Variants in TENM4 observed in about 807,000 individuals in gnomAD.
TENM4 encodes teneurin transmembrane protein 4.
A neutral mutation model predicts 243.3 loss-of-function variants in TENM4; 82 were observed. The ratio of observed to expected loss-of-function variants is 0.34; its 90% CI spans 0.28 to 0.40. The LOEUF is 0.40. Ranked by LOEUF, TENM4 falls within the 10% of genes least tolerant of loss-of-function variation. The pLI is 1.00. For missense variants in TENM4, 3,138 were observed against 3,673.3 expected, an observed-to-expected ratio of 0.85 and a Z score of 3.77; for synonymous variants, 1,412 against 1,456.3, an observed-to-expected ratio of 0.97 and a Z score of 0.69.
Position 78,894,282 on chromosome 11 carries a change from C to T in TENM4, c.750-2946G>A, listed in dbSNP as rs551235642. Among the ~76,000 whole-genome samples the T allele has an allele frequency of 4.5e-4, 69 of 152,230 alleles. 1 individual carries two copies. In the South Asian group the frequency reaches 0.013, roughly 30 times the overall value. ...GCTGCATGGCATGCTCCCTAGAAGA[C>T]CTGGGAGTCTGGCTTGAGTCAGAAG... On this transcript the variant is annotated intron_variant, in intron 7 of 33. Coordinates refer to ENST00000278550, the MANE Select transcript of TENM4 (RefSeq NM_001098816.3).
At chr11:79,004,275 T>C (rs937798169) in intron 6 of TENM4, among the ~76,000 whole-genome samples, 5 of 152,186 alleles carry the variant, frequency 3.3e-5, no homozygotes, top group African/African-American at 1.2e-4. Flanking sequence ...CTGAATTCAA[T>C]GCTTGACCAA....
At chr11:78,764,299 G>C (rs1359622600) in intron 18 of TENM4, among the ~76,000 whole-genome samples, 2 of 152,246 alleles carry the variant, frequency 1.3e-5, no homozygotes, top group African/African-American at 4.8e-5. Flanking sequence ...GCTAGTTAAA[G>C]AGCAGAACTG....
chr11:78,887,041 A>G (rs1482038820), intron 9 of TENM4, among the ~76,000 whole-genome samples: 1 of 152,160 alleles, frequency 6.6e-6, no homozygotes, highest in East Asian at 1.9e-4. Flanking sequence ...TTCTAAAATA[A>G]AAATCTGTGT....
chr11:79,108,394 G>A (rs1213178814), intron 4 of TENM4, among the ~76,000 whole-genome samples: 3 of 152,116 alleles, frequency 2.0e-5, no homozygotes, highest in Admixed American at 2.0e-4. Flanking sequence ...CCAGGCTGCT[G>A]GCCTAGCTGA....
At chr11:78,716,578 T>TA (rs1859526211) in intron 25 of TENM4, among the ~76,000 whole-genome samples, 1 of 152,148 alleles carries the variant, frequency 6.6e-6, no homozygotes. Context: ...CTAACAATCT[T>TA]AGAGTGATGG....
intron 33 of TENM4, among the ~76,000 whole-genome samples, chr11:78,659,826 G>A (rs751902242): frequency 5.9e-5 from 9 of 152,202 alleles, no homozygotes; most frequent in Non-Finnish European, 1.0e-4. Flanking sequence ...GCTTGGAGAA[G>A]CCACACTCAG....
At chr11:79,045,258 A>G (rs1487354811) in intron 6 of TENM4, among the ~76,000 whole-genome samples, 1 of 152,192 alleles carries the variant, frequency 6.6e-6, no homozygotes, top group East Asian at 1.9e-4. Context: ...AGGCACAGGT[A>G]GATGCACGGT....
intron 4 of TENM4, among the ~76,000 whole-genome samples, chr11:79,143,609 T>C (rs1163260439): frequency 6.6e-6 from 1 of 151,882 alleles, no homozygotes; most frequent in Non-Finnish European, 1.5e-5. Context: ...CACAGCAACA[T>C]GGCACATGTA....
intron 26 of TENM4, among the ~76,000 whole-genome samples, chr11:78,710,515 A>T (rs1223920556): frequency 1.3e-5 from 2 of 152,232 alleles, no homozygotes; most frequent in South Asian, 2.1e-4. Flanking sequence ...CCTGTCGTGA[A>T]TGTACATTAA....
intron 2 of TENM4, among the ~76,000 whole-genome samples, chr11:79,253,442 C>T (rs1855646489): frequency 6.6e-6 from 1 of 152,200 alleles, no homozygotes; most frequent in African/African-American, 2.4e-5. Flanking sequence ...GACTCCTTGG[C>T]ATGCTGATGA....
intron 25 of TENM4, among the ~76,000 whole-genome samples, chr11:78,714,861 C>T (rs615439): frequency 0.22 from 33,906 of 152,138 alleles, 6,580 homozygotes; most frequent in African/African-American, 0.53. Flanking sequence ...GCCTTCTCCC[C>T]GTGCATGGAG....
At chr11:79,323,257 CAT>C (rs1361917589) in intron 1 of TENM4, among the ~76,000 whole-genome samples, 3 of 152,180 alleles carry the variant, frequency 2.0e-5, no homozygotes, top group Non-Finnish European at 4.4e-5. Flanking sequence ...CAACACTCAA[CAT>C]ATAATCAGCA....
At chr11:79,433,318 A>T (rs1859206047) in intron 1 of TENM4, among the ~76,000 whole-genome samples, 1 of 152,148 alleles carries the variant, frequency 6.6e-6, no homozygotes, top group Non-Finnish European at 1.5e-5. Flanking sequence ...TCTTAACAAG[A>T]TCCCAGAACT....
chr11:79,194,424 T>C (rs1389112821), intron 3 of TENM4, among the ~76,000 whole-genome samples: 1 of 151,994 alleles, frequency 6.6e-6, no homozygotes, highest in Admixed American at 6.6e-5. Context: ...GTGGGAAAGT[T>C]TGGAACCTCA....
At chr11:79,213,451 T>A (rs112646826) in intron 3 of TENM4, among the ~76,000 whole-genome samples, 3 of 152,154 alleles carry the variant, frequency 2.0e-5, no homozygotes, top group African/African-American at 2.4e-5. Flanking sequence ...TAGAGACAGA[T>A]GCTATGGAGA....
intron 28 of TENM4, among the ~76,000 whole-genome samples, chr11:78,695,541 T>A (rs1858939073): frequency 6.6e-6 from 1 of 152,132 alleles, no homozygotes; most frequent in South Asian, 2.1e-4. Flanking sequence ...TTTTGTATTT[T>A]TAGTAGAGGT....
intron 3 of TENM4, among the ~76,000 whole-genome samples, chr11:79,150,039 A>G (rs1862473128): frequency 1.3e-5 from 2 of 152,200 alleles, no homozygotes; most frequent in South Asian, 4.1e-4. Flanking sequence ...GAAAAAGGAC[A>G]CACACCAGTT....
At chr11:79,252,372 T>G (rs1471287205) in intron 2 of TENM4, among the ~76,000 whole-genome samples, 1 of 152,278 alleles carries the variant, frequency 6.6e-6, no homozygotes, top group East Asian at 1.9e-4. Context: ...GTAGCTGGGA[T>G]TACAGGCGCT....
intron 2 of TENM4, among the ~76,000 whole-genome samples, chr11:79,238,686 T>C (rs1172213244): frequency 2.0e-5 from 3 of 152,046 alleles, no homozygotes; most frequent in Non-Finnish European, 4.4e-5. Context: ...CTCTCTCTCC[T>C]GTTGGTTCTG....
Sources: gnomAD v4.1 joint callset for allele counts (sites outside exome capture counted in the v4.1 genomes callset) on GRCh38, gnomAD v4.1.1 for gene constraint, MANE v1.5 for transcripts, NCBI Gene and HGNC (gene_info 2026-07-23, HGNC 2026-07-21) for gene names.